Variants in TUSC3 observed in about 807,000 individuals in gnomAD.
TUSC3 encodes tumor suppressor candidate 3.
Under a neutral mutation model 44.8 loss-of-function variants are expected in TUSC3, and 45 were observed. That is an observed-to-expected ratio of 1.00 (90% CI 0.79 to 1.29). The LOEUF (loss-of-function observed/expected upper bound fraction) is 1.29. TUSC3 is among the 50% of genes most tolerant of loss of function. The pLI is 0.00. For synonymous variants in TUSC3, 212 were observed against 152.9 expected (o/e 1.39, Z -2.85); for missense variants, 519 against 437.9 (o/e 1.19, Z -1.65).
At chr8:15,726,658 T>A (rs1482119390) in intron 6 of TUSC3, among the ~76,000 whole-genome samples, 1 of 151,928 alleles carries the variant, frequency 6.6e-6, no homozygotes, top group African/African-American at 2.4e-5. Context: ...ATACAAAAAT[T>A]AGCCAGGCAT....
chr8:15,617,933 G>A (rs1261475009), intron 1 of TUSC3, among the ~76,000 whole-genome samples: 1 of 152,160 alleles, frequency 6.6e-6, no homozygotes, highest in African/African-American at 2.4e-5. Context: ...AGGCTGTGTG[G>A]TATAGCTCCT....
At chr8:15,847,127 T>G in the TUSC3 span, among the ~76,000 whole-genome samples, 2 of 152,084 alleles carry the variant, frequency 1.3e-5, no homozygotes, top group Non-Finnish European at 2.9e-5. Context: ...CAAAGAGACT[T>G]CTGGGCAGGT....
intron 6 of TUSC3, among the ~76,000 whole-genome samples, chr8:15,712,286 T>A (rs1421527313): frequency 6.6e-6 from 1 of 152,044 alleles, no homozygotes; most frequent in African/African-American, 2.4e-5. Flanking sequence ...ACTCATGCTG[T>A]TGATTCTTTT....
Position 15,659,573 on chromosome 8 carries a change from A to G in TUSC3, c.493A>G (p.Thr165Ala), listed in dbSNP as rs754427451. The G allele has an allele frequency of 2.5e-6, 4 of 1,613,496 alleles. No individual in the cohort carries two copies. The highest frequency in any genetic ancestry group is 3.4e-6 in the Non-Finnish European group (4 of 1,179,692). Residue 165 changes from threonine to alanine, a missense_variant, in exon 4 of 11, where the codon ACT becomes GCT. Physicochemically the swap from Thr to Ala is moderately conservative, Grantham distance 58. Transcript: ENST00000503731. ...PPKGRPKRAD[T>A]FDLQRIGFAA... ...AAAAGGCAGACCTAAGAGAGCTGAT[A>G]CTTTTGACCTCCAAAGAATTGGATT...
exon 2 of TUSC3, chr8:15,483,476 G>T (rs1800690722): frequency 1.3e-5 from 2 of 158,902 alleles, no homozygotes; most frequent in African/African-American, 4.8e-5. Context: ...AAGTAGCTGG[G>T]ATTACAGGTA....
At chr8:15,529,645 A>G (rs1801424913) in intron 2 of TUSC3, among the ~76,000 whole-genome samples, 1 of 152,196 alleles carries the variant, frequency 6.6e-6, no homozygotes, top group Non-Finnish European at 1.5e-5. Context: ...TATGTTTAGA[A>G]AAATGGCTAG....
At chr8:15,656,842 C>T (rs1050058597) in intron 3 of TUSC3, among the ~76,000 whole-genome samples, 2 of 152,212 alleles carry the variant, frequency 1.3e-5, no homozygotes, top group African/African-American at 4.8e-5. Flanking sequence ...GAAGACATAC[C>T]TCCTCAGCTC....
the TUSC3 span, among the ~76,000 whole-genome samples, chr8:15,816,924 A>G: frequency 2.6e-5 from 4 of 152,196 alleles, no homozygotes; most frequent in Non-Finnish European, 1.5e-5. Flanking sequence ...AAGTAAATTC[A>G]TTATTTCTAT....
chr8:15,444,163 C>T (rs772730123), intron 1 of TUSC3, among the ~76,000 whole-genome samples: 3 of 152,154 alleles, frequency 2.0e-5, no homozygotes, highest in Non-Finnish European at 2.9e-5. Flanking sequence ...ACATAAAGTA[C>T]TCCAGCTGCA....
chr8:15,681,370 G>C (rs564200992), intron 6 of TUSC3, among the ~76,000 whole-genome samples: 3 of 151,876 alleles, frequency 2.0e-5, no homozygotes, highest in South Asian at 4.2e-4. Flanking sequence ...TGTCTGTTCA[G>C]GGTTTCAGTT....
downstream of TUSC3, among the ~76,000 whole-genome samples, chr8:15,770,332 C>G (rs1199689668): frequency 6.6e-6 from 1 of 152,100 alleles, no homozygotes; most frequent in African/African-American, 2.4e-5. Context: ...ACCGCGTGTT[C>G]TCACTCATAA....
At chr8:15,773,053 C>G in the TUSC3 span, among the ~76,000 whole-genome samples, 15 of 152,170 alleles carry the variant, frequency 9.9e-5, no homozygotes, top group Non-Finnish European at 2.2e-4. Flanking sequence ...AAAAACAAAA[C>G]TTTCCCCCTG....
At chr8:15,492,873 AG>A (rs1800828602) in intron 2 of TUSC3, among the ~76,000 whole-genome samples, 1 of 152,186 alleles carries the variant, frequency 6.6e-6, no homozygotes, top group African/African-American at 2.4e-5. Context: ...TATTATAATT[AG>A]GTAGTTGATT....
chr8:15,848,093 G>A, the TUSC3 span, among the ~76,000 whole-genome samples: 1 of 152,132 alleles, frequency 6.6e-6, no homozygotes, highest in Non-Finnish European at 1.5e-5. Context: ...CCTTCCCCGT[G>A]CCAATACTGG....
intron 10 of TUSC3, among the ~76,000 whole-genome samples, chr8:15,762,501 G>A (rs1812202308): frequency 6.6e-6 from 1 of 151,952 alleles, no homozygotes; most frequent in African/African-American, 2.4e-5. Context: ...AAAGTTAGAA[G>A]GTATAAAATT....
chr8:15,826,510 A>G, the TUSC3 span, among the ~76,000 whole-genome samples: 26,269 of 152,122 alleles, frequency 0.17, 2,434 homozygotes, highest in Admixed American at 0.28. Flanking sequence ...ACTCACCTAT[A>G]TAGGGGAGCT....
chr8:15,491,588 A>G lies in TUSC3; in HGVS notation n.189+8105A>G, dbSNP rs17121521. On this transcript the variant is annotated intron_variant and non_coding_transcript_variant, in intron 2 of 5. Coordinates refer to the TUSC3 transcript ENST00000503191. Reference sequence around the variant, plus strand: ...ACTGAATTTTTATCTTTTTGCTTACATACACTGTGACAAATAGGGCTAATT... The same window carrying G: ...ACTGAATTTTTATCTTTTTGCTTACGTACACTGTGACAAATAGGGCTAATT... 4.2e-3 allele frequency among the ~76,000 whole-genome samples: 635 copies of G among 152,326 alleles called. 5 individuals carry two copies. The highest frequency in any genetic ancestry group is 0.014 in the African/African-American group (594 of 41,568).
At chr8:15,538,108 G>A (rs935631652), upstream of TUSC3, among the ~76,000 whole-genome samples, 8 of 152,286 alleles carry the variant, frequency 5.3e-5, no homozygotes, top group African/African-American at 1.9e-4. Context: ...CCAACAGGAT[G>A]ACTGGTTATA....
intron 10 of TUSC3, among the ~76,000 whole-genome samples, chr8:15,759,112 G>T (rs1812059436): frequency 6.6e-6 from 1 of 152,150 alleles, no homozygotes; most frequent in Non-Finnish European, 1.5e-5. Context: ...GAATGACTCA[G>T]TGAGTTACAC....
Sources: allele counts gnomAD v4.1 joint callset (sites outside exome capture counted in the v4.1 genomes callset), GRCh38; gene constraint gnomAD v4.1.1; transcripts MANE v1.5; gene names NCBI Gene and HGNC (gene_info 2026-07-23, HGNC 2026-07-21).